Variants in NRG3 observed in about 807,000 individuals in gnomAD.
NRG3 encodes pro-neuregulin-3, membrane-bound isoform.
NRG3 carries 31 observed loss-of-function variants against 66.9 expected under a neutral mutation model. That is an observed-to-expected ratio of 0.46 (90% CI 0.35 to 0.63). The LOEUF is 0.63. Ranked by LOEUF, NRG3 falls within the 20% of genes least tolerant of loss-of-function variation. The probability of loss-of-function intolerance (pLI) is 0.00; values close to 1 mark genes in which losing one functional copy is unlikely to be tolerated. For synonymous variants in NRG3, 393 were observed against 359.4 expected (o/e 1.09, Z -1.06); for missense variants, 910 against 878.9 (o/e 1.04, Z -0.45).
At chr10:82,914,595 G>T (rs1167471225) in intron 4 of NRG3, among the ~76,000 whole-genome samples, 1 of 152,052 alleles carries the variant, frequency 6.6e-6, no homozygotes, top group Non-Finnish European at 1.5e-5. Flanking sequence ...GAAACATGTG[G>T]TTTTTTGTTT....
intron 1 of NRG3, among the ~76,000 whole-genome samples, chr10:82,308,339 T>C (rs1234990683): frequency 6.6e-6 from 1 of 152,110 alleles, no homozygotes; most frequent in African/African-American, 2.4e-5. Flanking sequence ...TCTGCCTGCC[T>C]TGACCTCTCA....
At chr10:82,536,988 C>T (rs1260413592) in intron 2 of NRG3, among the ~76,000 whole-genome samples, 1 of 151,858 alleles carries the variant, frequency 6.6e-6, no homozygotes, top group Non-Finnish European at 1.5e-5. Context: ...TAAGCAAGCA[C>T]TCTAAACTTG....
At chr10:82,569,719 A>C (rs1168220085) in intron 2 of NRG3, among the ~76,000 whole-genome samples, 1 of 151,364 alleles carries the variant, frequency 6.6e-6, no homozygotes, top group African/African-American at 2.4e-5. Context: ...TCTACTCTAC[A>C]CTCTTTGCTA....
rs942508320 is a variant in NRG3 at position 82,971,727 on chromosome 10, G to A, written c.1285-2061G>A. 4.7e-4 allele frequency among the ~76,000 whole-genome samples: 72 copies of A among 152,048 alleles called. 1 individual carries two copies. Among genetic ancestry groups the A allele is most frequent in the Admixed American group, 5.9e-4 (9 of 15,242 alleles). On this transcript the variant is annotated intron_variant, in intron 6 of 8. Transcript: ENST00000372141. ...TCTGGGATTACAGTCGTGAGCCACC[G>A]TGCCTAGCCTGAGAAAGCCTTTCAT...
chr10:82,538,930 T>C (rs1042331097), intron 2 of NRG3, among the ~76,000 whole-genome samples: 2 of 152,208 alleles, frequency 1.3e-5, no homozygotes, highest in Non-Finnish European at 2.9e-5. Context: ...AGGTTGTCTC[T>C]ACAGCCTCAG....
chr10:82,408,139 GAAAGA>G (rs1554911335), intron 2 of NRG3, among the ~76,000 whole-genome samples: 1 of 140,474 alleles, frequency 7.1e-6, no homozygotes, highest in East Asian at 2.0e-4. Flanking sequence ...AAGAAAGAAA[GAAAGA>G]AAAGAAAAAG....
At chr10:82,972,504 A>G (rs1048007826) in intron 6 of NRG3, among the ~76,000 whole-genome samples, 1 of 152,168 alleles carries the variant, frequency 6.6e-6, no homozygotes, top group African/African-American at 2.4e-5. Flanking sequence ...CTTCGGTTAG[A>G]ACTATTTCTT....
chr10:81,955,716 G>C (rs894408702), intron 1 of NRG3, among the ~76,000 whole-genome samples: 1 of 152,046 alleles, frequency 6.6e-6, no homozygotes, highest in East Asian at 1.9e-4. Flanking sequence ...GTGTAGCCCT[G>C]ATTTATCCTT....
chr10:82,799,850 A>G (rs1444907712), intron 3 of NRG3: 1 of 152,218 alleles, frequency 6.6e-6, no homozygotes, highest in Non-Finnish European at 1.5e-5. Context: ...ACTGCCTACA[A>G]TGTAAGTATT....
chr10:81,877,440 A>G (rs1841775178), intron 1 of NRG3, among the ~76,000 whole-genome samples: 1 of 152,204 alleles, frequency 6.6e-6, no homozygotes, highest in East Asian at 1.9e-4. Flanking sequence ...AGCATCTGAG[A>G]TAAAGGAAGA....
chr10:82,386,777 T>C (rs955784459), intron 2 of NRG3, among the ~76,000 whole-genome samples: 1 of 152,060 alleles, frequency 6.6e-6, no homozygotes, highest in Non-Finnish European at 1.5e-5. Context: ...TTGGCAGGTT[T>C]TCTTTTTCTC....
Position 82,600,160 on chromosome 10 carries a change from T to C in NRG3, c.954-138417T>C, listed in dbSNP as rs1033597742. 4.6e-5 allele frequency among the ~76,000 whole-genome samples: 7 copies of C among 152,256 alleles called. No individual in the cohort carries two copies. In the East Asian group the frequency reaches 7.7e-4, roughly 17 times the overall value. On this transcript the variant is annotated intron_variant, in intron 2 of 8. Coordinates refer to ENST00000372141, the MANE Select transcript of NRG3 (RefSeq NM_001010848.4). Reference sequence around the variant, plus strand: ...TTATTCCCAGCACAGATAGAGGGCTTGTCTTATTTTTAAGTGCCTTTGCCT... The same window carrying C: ...TTATTCCCAGCACAGATAGAGGGCTCGTCTTATTTTTAAGTGCCTTTGCCT...
intron 1 of NRG3, among the ~76,000 whole-genome samples, chr10:82,299,615 G>A (rs1277035357): frequency 6.6e-6 from 1 of 151,376 alleles, no homozygotes; most frequent in Non-Finnish European, 1.5e-5. Flanking sequence ...CTGAAACAAA[G>A]TCATACTAAT....
chr10:82,707,023 AT>A (rs1259762575), intron 2 of NRG3, among the ~76,000 whole-genome samples: 2,324 of 142,516 alleles, frequency 0.016, 32 homozygotes, highest in African/African-American at 0.038. Context: ...AAATAAATAT[AT>A]ATATATATAT....
intron 3 of NRG3, 60 bp from the exon 4 acceptor site, chr10:82,865,350 GC>G (rs1840611097): frequency 1.9e-6 from 3 of 1,578,988 alleles, no homozygotes; most frequent in Non-Finnish European, 1.7e-6. Flanking sequence ...CATGTATAGA[GC>G]TTTTTCTAAC....
chr10:82,846,032 C>G (rs530295031), intron 3 of NRG3, among the ~76,000 whole-genome samples: 9 of 152,250 alleles, frequency 5.9e-5, no homozygotes, highest in Middle Eastern at 3.4e-3. Context: ...GAAACACTGT[C>G]TGGTTGAACT....
At chr10:82,761,214 C>A (rs1422394199) in intron 3 of NRG3, among the ~76,000 whole-genome samples, 1 of 151,962 alleles carries the variant, frequency 6.6e-6, no homozygotes, top group African/African-American at 2.4e-5. Context: ...AGCAAACTGA[C>A]TTCTATTTTA....
At chr10:82,561,377 C>T (rs753984396) in intron 2 of NRG3, among the ~76,000 whole-genome samples, 1 of 152,186 alleles carries the variant, frequency 6.6e-6, no homozygotes, top group Admixed American at 6.5e-5. Flanking sequence ...TTTGGCCAGG[C>T]ACCATGGCTC....
At chr10:82,288,875 C>T (rs939252445) in intron 1 of NRG3, among the ~76,000 whole-genome samples, 8 of 152,168 alleles carry the variant, frequency 5.3e-5, no homozygotes, top group East Asian at 3.9e-4. Context: ...CACATTCCTA[C>T]GTATCAGAAC....
Sources: allele counts gnomAD v4.1 joint callset (sites outside exome capture counted in the v4.1 genomes callset), GRCh38; gene constraint gnomAD v4.1.1; transcripts MANE v1.5; gene names NCBI Gene and HGNC (gene_info 2026-07-23, HGNC 2026-07-21).